The following ZFHX3 variants were observed in gnomAD, a reference collection of about 807,000 sequenced individuals.
ZFHX3 encodes the protein zinc finger homeobox 3.
A neutral mutation model predicts 279.1 loss-of-function variants in ZFHX3; 42 were observed. That is an observed-to-expected ratio of 0.15 (90% confidence interval 0.12 to 0.19). The LOEUF is 0.19. Among genes scored for constraint, ZFHX3 ranks in the 10% least tolerant of loss-of-function variants. The pLI, the probability that ZFHX3 is intolerant of heterozygous loss-of-function variation, is 1.00. For missense variants in ZFHX3, 4,981 were observed against 4,754.0 expected (o/e 1.05, Z -1.40); for synonymous variants, 2,293 against 1,957.8 (o/e 1.17, Z -4.52).
At chr16:73,877,202 C>CGG (rs34548922) in intron 1 of ZFHX3, among the ~76,000 whole-genome samples, 1 of 125,110 alleles carries the variant, frequency 8.0e-6, no homozygotes, top group African/African-American at 3.2e-5. Flanking sequence ...GGGGTTAGGT[C>CGG]GGGGGGGGGT....
At chr16:73,074,245 C>T (rs530534377) in intron 8 of ZFHX3, among the ~76,000 whole-genome samples, 149 of 152,326 alleles carry the variant, frequency 9.8e-4, no homozygotes, top group Non-Finnish European at 2.0e-3. Context: ...AGGCTCACTT[C>T]CTCACGCGGA....
intron 2 of ZFHX3, among the ~76,000 whole-genome samples, chr16:73,594,051 G>A (rs985854815): frequency 2.6e-5 from 4 of 152,138 alleles, no homozygotes; most frequent in African/African-American, 7.2e-5. Flanking sequence ...GCAAGAAGCG[G>A]TGTGAAAGGT....
chr16:73,845,645 T>C lies in ZFHX3; in HGVS notation c.-1608+46006A>G, dbSNP rs539015921. On this transcript the variant is annotated intron_variant, in intron 1 of 17. Coordinates refer to the ZFHX3 transcript ENST00000641206. ...TCTCTTCTGATGCTGTGTCACTCGA[T>C]TGAGTCTTGCTGGCTCCGTCAGGAT... Among the ~76,000 whole-genome samples, 21 of 152,306 alleles carry C rather than the reference T, an allele frequency of 1.4e-4. No homozygotes were observed. The East Asian group carries it at 2.5e-3, about 18-fold the overall frequency.
chr16:73,606,980 A>AAGAC (rs2052192700), intron 2 of ZFHX3, among the ~76,000 whole-genome samples: 1 of 133,104 alleles, frequency 7.5e-6, no homozygotes, highest in Non-Finnish European at 1.7e-5. Flanking sequence ...TCCATCTCAG[A>AAGAC]AAACAAACAA....
intron 9 of ZFHX3, 112 bp from the exon 10 acceptor site, chr16:72,788,960 G>A (rs2035585134): frequency 2.1e-6 from 3 of 1,440,492 alleles, no homozygotes; most frequent in South Asian, 3.3e-5. Flanking sequence ...AAGGCTTGAA[G>A]GATCCTCTCA....
chr16:73,473,371 A>AAAAAAAAAC (rs2018709703), intron 2 of ZFHX3, among the ~76,000 whole-genome samples: 3 of 150,714 alleles, frequency 2.0e-5, no homozygotes, highest in African/African-American at 7.4e-5. Context: ...AAAAAAAAAA[A>AAAAAAAAAC]ACAAAATAAT....
rs575176819 is a variant in ZFHX3, at chr16:73,352,143, T to C, written c.-1290-33807A>G. On this transcript the variant is annotated intron_variant, in intron 3 of 17. Transcript: ENST00000641206. ...CTGGGGAATCGCCATACTGGTACTA[T>C]CTTTTATACACAGCCTTTTAGCTCA... Among the ~76,000 whole-genome samples the C allele has an allele frequency of 3.3e-5, 5 of 152,270 alleles. No homozygotes were observed. The South Asian group carries it at 1.0e-3, about 32-fold the overall frequency.
chr16:73,229,995 T>C (rs1057482516), intron 5 of ZFHX3, among the ~76,000 whole-genome samples: 11 of 152,178 alleles, frequency 7.2e-5, no homozygotes, highest in Admixed American at 5.9e-4. Context: ...AATGAATAGA[T>C]AGAAAAGCAG....
At chr16:73,750,028 C>T (rs932676323) in intron 1 of ZFHX3, among the ~76,000 whole-genome samples, 2 of 152,204 alleles carry the variant, frequency 1.3e-5, no homozygotes, top group African/African-American at 4.8e-5. Context: ...AACTACCCAT[C>T]CATTCACCCA....
intron 4 of ZFHX3, among the ~76,000 whole-genome samples, chr16:73,265,671 C>T (rs900918437): frequency 2.0e-5 from 3 of 152,138 alleles, no homozygotes; most frequent in Admixed American, 6.6e-5. Context: ...TGGTCCATGA[C>T]CTCAACAGCC....
intron 1 of ZFHX3, among the ~76,000 whole-genome samples, chr16:73,750,211 T>C (rs756353317): frequency 1.3e-5 from 2 of 152,154 alleles, no homozygotes; most frequent in African/African-American, 2.4e-5. Context: ...AAGGGAAGGC[T>C]GGATGGATCT....
chr16:73,012,173 C>G (rs1290017631), intron 1 of ZFHX3, among the ~76,000 whole-genome samples: 1 of 152,194 alleles, frequency 6.6e-6, no homozygotes, highest in Non-Finnish European at 1.5e-5. Context: ...CTTCCAACAC[C>G]AAAACACCTG....
intron 1 of ZFHX3, chr16:73,816,161 A>C (rs1960565781): frequency 6.6e-6 from 1 of 152,216 alleles, no homozygotes; most frequent in South Asian, 2.1e-4. Flanking sequence ...GCATTGGTGG[A>C]GCTAGATAAT....
intron 3 of ZFHX3, among the ~76,000 whole-genome samples, chr16:73,378,758 C>T (rs1160273205): frequency 6.6e-6 from 1 of 152,132 alleles, no homozygotes; most frequent in Non-Finnish European, 1.5e-5. Context: ...GCTCTCATTG[C>T]TCTCATCTCA....
At chr16:73,569,167 G>C (rs2020494864) in intron 2 of ZFHX3, among the ~76,000 whole-genome samples, 1 of 152,124 alleles carries the variant, frequency 6.6e-6, no homozygotes, top group Non-Finnish European at 1.5e-5. Context: ...TATAAGAAAG[G>C]AGAAAATGGG....
chr16:73,774,963 C>T (rs1395718500), intron 1 of ZFHX3, among the ~76,000 whole-genome samples: 2 of 152,264 alleles, frequency 1.3e-5, no homozygotes, highest in East Asian at 3.9e-4. Flanking sequence ...ATCTCCAATC[C>T]AGGACCCTGG....
At chr16:73,095,093 TTTTTA>T (rs1245332331) in intron 7 of ZFHX3, among the ~76,000 whole-genome samples, 1 of 152,086 alleles carries the variant, frequency 6.6e-6, no homozygotes, top group Admixed American at 6.6e-5. Context: ...CTTTTTTTAC[TTTTTA>T]TTTTAAATAG....
chr16:73,843,262 G>C (rs888940651), intron 1 of ZFHX3, among the ~76,000 whole-genome samples: 2 of 152,180 alleles, frequency 1.3e-5, no homozygotes, highest in Non-Finnish European at 2.9e-5. Context: ...AGTCAATCAC[G>C]CCAATAGAAA....
chr16:73,773,825 C>T (rs1034208658), intron 1 of ZFHX3, among the ~76,000 whole-genome samples: 10 of 152,230 alleles, frequency 6.6e-5, no homozygotes, highest in African/African-American at 2.4e-4. Flanking sequence ...CCAACATTCC[C>T]TGGTACAACA....
Sources: gnomAD v4.1 joint callset for allele counts (sites outside exome capture counted in the v4.1 genomes callset) on GRCh38, gnomAD v4.1.1 for gene constraint, MANE v1.5 for transcripts, NCBI Gene and HGNC (gene_info 2026-07-23, HGNC 2026-07-21) for gene names.